Variants in ADCY8 observed in about 807,000 individuals in gnomAD.
ADCY8 encodes adenylate cyclase 8.
ADCY8 carries 51 observed loss-of-function variants against 119.7 expected under a neutral mutation model. The observed-to-expected ratio is 0.43, with a 90% confidence interval of 0.34 to 0.54. The LOEUF (loss-of-function observed/expected upper bound fraction) is 0.54. ADCY8 is among the 20% of genes least tolerant of loss of function. The pLI is 0.03. For synonymous variants in ADCY8, 665 were observed against 651.0 expected, an observed-to-expected ratio of 1.02 and a Z score of -0.33; for missense variants, 1,383 against 1,598.8, an observed-to-expected ratio of 0.87 and a Z score of 2.30.
rs189301653 is a variant in ADCY8 at position 131,025,755 on chromosome 8, C to T, written c.960+13619G>A. 4.3e-4 allele frequency among the ~76,000 whole-genome samples: 65 copies of T among 152,306 alleles called. 2 individuals carry two copies. Among genetic ancestry groups the T allele is most frequent in the East Asian group, 3.7e-3 (19 of 5,184 alleles). On this transcript the variant is annotated intron_variant, in intron 1 of 17. Coordinates refer to ENST00000286355, the MANE Select transcript of ADCY8 (RefSeq NM_001115.3). The stretch of plus-strand genomic sequence containing the variant: ...CACACAATTTCAGGAATTATTCCTT[C>T]GCAGGGTTGCACAAGTGCAGGGTCA...
chr8:130,958,419 C>T (rs1413111725), intron 2 of ADCY8, among the ~76,000 whole-genome samples: 3 of 152,100 alleles, frequency 2.0e-5, no homozygotes, highest in East Asian at 3.9e-4. Flanking sequence ...TCACATGCTC[C>T]TGGCCTCTCA....
intron 8 of ADCY8, among the ~76,000 whole-genome samples, chr8:130,878,503 G>T (rs574446332): frequency 2.4e-4 from 37 of 152,286 alleles, no homozygotes; most frequent in African/African-American, 8.7e-4. Context: ...GATGTAAGCT[G>T]ATCTCTGAAG....
intron 8 of ADCY8, among the ~76,000 whole-genome samples, chr8:130,881,335 C>T (rs187909019): frequency 1.3e-5 from 2 of 152,220 alleles, no homozygotes; most frequent in African/African-American, 2.4e-5. Flanking sequence ...TATAGGCAAA[C>T]GTGACCAGGG....
intron 15 of ADCY8, among the ~76,000 whole-genome samples, chr8:130,785,858 A>C (rs1815234237): frequency 6.6e-6 from 1 of 151,724 alleles, no homozygotes; most frequent in African/African-American, 2.4e-5. Flanking sequence ...TCCCTCTCTC[A>C]CTCTGCTCCA....
At chr8:130,957,928 G>C (rs1358117053) in intron 2 of ADCY8, among the ~76,000 whole-genome samples, 1 of 152,208 alleles carries the variant, frequency 6.6e-6, no homozygotes, top group East Asian at 1.9e-4. Context: ...TTTGTTACAG[G>C]GATGGGACAT....
At chr8:130,957,903 A>T (rs959240412) in intron 2 of ADCY8, among the ~76,000 whole-genome samples, 2 of 152,238 alleles carry the variant, frequency 1.3e-5, no homozygotes, top group African/African-American at 4.8e-5. Context: ...AAATACCTGG[A>T]TGCTCAGACA....
At position 130,886,514 on chromosome 8, in the gene ADCY8, T is replaced by C. The variant is rs548727113; in HGVS notation, c.1912-1753A>G. Among the ~76,000 whole-genome samples, 11 of 152,150 alleles carry C rather than the reference T, an allele frequency of 7.2e-5. No homozygotes were observed. The South Asian group carries it at 2.3e-3, about 32-fold the overall frequency. The stretch of plus-strand genomic sequence containing the variant: ...CAAAGGAAGCTGAACTGTCAGCCAC[T>C]TGGTGGATTTCTCATTGGTTTTTTG... On this transcript the variant is annotated intron_variant, in intron 7 of 17. Coordinates refer to ENST00000286355, the MANE Select transcript of ADCY8 (RefSeq NM_001115.3).
chr8:130,878,467 C>T (rs1230906389), intron 8 of ADCY8, among the ~76,000 whole-genome samples: 2 of 152,152 alleles, frequency 1.3e-5, no homozygotes, highest in Non-Finnish European at 2.9e-5. Context: ...CCATATTACC[C>T]TTGAGTTAGG....
intron 9 of ADCY8, among the ~76,000 whole-genome samples, chr8:130,857,618 C>G (rs1399800121): frequency 6.6e-6 from 1 of 152,134 alleles, no homozygotes; most frequent in African/African-American, 2.4e-5. Flanking sequence ...TAGGTTTGAT[C>G]CCATTGGCAA....
At chr8:130,903,674 A>G in intron 7 of ADCY8, 98 bp downstream of exon 7, 1 of 1,371,860 alleles carries the variant, frequency 7.3e-7, no homozygotes, top group Non-Finnish European at 1.0e-6. Flanking sequence ...CATTGGAGAA[A>G]AGGTTAAAGA....
At chr8:130,987,451 T>A (rs1209013591) in intron 2 of ADCY8, among the ~76,000 whole-genome samples, 2 of 152,112 alleles carry the variant, frequency 1.3e-5, no homozygotes, top group African/African-American at 4.8e-5. Context: ...ATAAAGAAAT[T>A]AATTCACGGT....
Position 130,838,702 on chromosome 8 carries a change from A to G in ADCY8, c.2503-2253T>C, listed in dbSNP as rs1335018522. 2.1e-5 allele frequency among the ~76,000 whole-genome samples: 3 copies of G among 141,758 alleles called. 1 individual carries two copies. The highest frequency in any genetic ancestry group is 4.8e-5 in the Non-Finnish European group (3 of 62,484). 93.0% of individuals were successfully genotyped at this position (141,758 alleles called of 152,430 possible). On this transcript the variant is annotated intron_variant, in intron 11 of 17. Coordinates refer to ENST00000286355, the MANE Select transcript of ADCY8 (RefSeq NM_001115.3). ...CTTATGTGGTCACAACAGTTAATTTATAAAATGTAATAAGCATTTATTGAG... is the reference window on the plus strand; with the variant it reads ...CTTATGTGGTCACAACAGTTAATTTGTAAAATGTAATAAGCATTTATTGAG...
intron 11 of ADCY8, 22 bp downstream of exon 11, chr8:130,847,402 A>AG: frequency 6.4e-7 from 1 of 1,565,384 alleles, no homozygotes; most frequent in Non-Finnish European, 8.8e-7. Flanking sequence ...ACTCTCACCA[A>AG]GGGGAGCTCA....
chr8:130,977,849 A>T (rs193224782), intron 2 of ADCY8, among the ~76,000 whole-genome samples: 17 of 152,362 alleles, frequency 1.1e-4, no homozygotes, highest in Non-Finnish European at 1.3e-4. Context: ...AATCTGATTT[A>T]GAGTTCATCC....
chr8:130,932,271 G>T (rs1421751287), intron 5 of ADCY8, among the ~76,000 whole-genome samples: 1 of 152,140 alleles, frequency 6.6e-6, no homozygotes, highest in African/African-American at 2.4e-5. Context: ...GTCCACTAAT[G>T]TCAACCTAAT....
In ADCY8 at chr8:130,990,559, C is replaced by G; in HGVS notation, c.961-17G>C. On this transcript the variant is annotated splice_polypyrimidine_tract_variant and intron_variant, in intron 1 of 17. Coordinates refer to ENST00000286355, the MANE Select transcript of ADCY8 (RefSeq NM_001115.3). Reference sequence around the variant, plus strand: ...GGCCACAACCTAAAATAAACACAGTCTGGTCAGGCGCTTAAAACAAAAGCT... The same window carrying G: ...GGCCACAACCTAAAATAAACACAGTGTGGTCAGGCGCTTAAAACAAAAGCT... The G allele has an allele frequency of 6.2e-7, 1 of 1,609,922 alleles. No homozygotes were observed. Among genetic ancestry groups the G allele is most frequent in the Non-Finnish European group, 8.5e-7 (1 of 1,177,534 alleles).
At chr8:130,967,526 C>T (rs1222080937) in intron 2 of ADCY8, among the ~76,000 whole-genome samples, 1 of 152,190 alleles carries the variant, frequency 6.6e-6, no homozygotes, top group African/African-American at 2.4e-5. Context: ...TATGAAAATG[C>T]TCCTTATAAA....
chr8:130,781,637 A>G (rs573647370), intron 17 of ADCY8, among the ~76,000 whole-genome samples: 1 of 152,234 alleles, frequency 6.6e-6, no homozygotes, highest in Admixed American at 6.5e-5. Context: ...GAACTGCTGG[A>G]GTTTTCCTAA....
chr8:130,860,886 C>T (rs749348465), intron 9 of ADCY8, among the ~76,000 whole-genome samples: 15 of 152,078 alleles, frequency 9.9e-5, no homozygotes, highest in African/African-American at 3.6e-4. Context: ...TGACAACATG[C>T]GGTGTTTGGT....
Sources: gnomAD v4.1 joint callset for allele counts (sites outside exome capture counted in the v4.1 genomes callset) on GRCh38, gnomAD v4.1.1 for gene constraint, MANE v1.5 for transcripts, NCBI Gene and HGNC (gene_info 2026-07-23, HGNC 2026-07-21) for gene names.